The following MAST4 variants were observed in gnomAD, a reference collection of about 807,000 sequenced individuals.
MAST4 encodes microtubule associated serine/threonine kinase family member 4, also known as microtubule-associated serine/threonine-protein kinase 4.
A neutral mutation model predicts 162.7 loss-of-function variants in MAST4; 89 were observed. That is an observed-to-expected ratio of 0.55 (90% CI 0.46 to 0.65). The LOEUF (loss-of-function observed/expected upper bound fraction) is 0.65. MAST4 is among the 30% of genes least tolerant of loss of function. The pLI is 0.00. For missense variants in MAST4, 3,153 were observed against 3,374.0 expected (o/e 0.93, Z 1.62); for synonymous variants, 1,479 against 1,361.1 (o/e 1.09, Z -1.91).
Position 66,625,641 on chromosome 5 carries a change from A to G in MAST4, c.363+28623A>G, listed in dbSNP as rs1401780944. 2.0e-5 allele frequency among the ~76,000 whole-genome samples: 3 copies of G among 152,328 alleles called. No homozygotes were observed. In the East Asian group the frequency reaches 5.8e-4, roughly 29 times the overall value. On this transcript the variant is annotated intron_variant, in intron 1 of 28. Coordinates refer to ENST00000403625, the MANE Select transcript of MAST4 (RefSeq NM_001164664.2). ...AGAGTCAAAACCATAAAAAGAACAG[A>G]TAAATGTTGGCGAGGATATGGAGAA...
intron 4 of MAST4, among the ~76,000 whole-genome samples, chr5:66,934,847 G>T (rs763115278): frequency 6.6e-6 from 1 of 152,266 alleles, no homozygotes; most frequent in Non-Finnish European, 1.5e-5. Context: ...TGAGTAAAAA[G>T]GTCTCTGCCG....
chr5:66,951,000 A>G (rs933079307), intron 4 of MAST4, among the ~76,000 whole-genome samples: 4 of 152,126 alleles, frequency 2.6e-5, no homozygotes, highest in African/African-American at 9.7e-5. Flanking sequence ...ATTGCTGTGT[A>G]GTGTTTTGTC....
At chr5:66,601,882 A>T (rs1334930511) in intron 1 of MAST4, among the ~76,000 whole-genome samples, 1 of 152,160 alleles carries the variant, frequency 6.6e-6, no homozygotes, top group East Asian at 1.9e-4. Flanking sequence ...CTGTTGATAT[A>T]GCCTAATCGT....
chr5:66,963,619 C>CG, intron 4 of MAST4: 1 of 746,916 alleles, frequency 1.3e-6, no homozygotes, highest in Non-Finnish European at 2.5e-6. Context: ...TGATTCTGGC[C>CG]TAAAGGGAAC....
chr5:66,677,013 G>A (rs1468358592), intron 1 of MAST4, among the ~76,000 whole-genome samples: 1 of 152,118 alleles, frequency 6.6e-6, no homozygotes, highest in Non-Finnish European at 1.5e-5. Context: ...GGTGGCTTTA[G>A]GATTTTGTAG....
At chr5:66,788,605 C>CCCCCAACAAAAAAAAAAAAAAAA in intron 2 of MAST4, 65 bp from the exon 3 acceptor site, 2 of 1,344,526 alleles carry the variant, frequency 1.5e-6, no homozygotes, top group Non-Finnish European at 2.1e-6. Context: ...CACCCCCACC[C>CCCCCAACAAAAAAAAAAAAAAAA]CCATTGCAAT....
In MAST4 at chr5:67,028,021, T is replaced by C. The variant is rs570697244; in HGVS notation, c.675-26383T>C. On this transcript the variant is annotated intron_variant, in intron 4 of 28. Transcript: ENST00000403625. ...ACCTTCTTGAACGCTTGCAGCTTTA[T>C]GGGAAATGCTGTGGAGTTGGGTGTA... is the stretch of plus-strand genomic sequence containing the variant. Among the ~76,000 whole-genome samples, 104 of 152,302 alleles carry C rather than the reference T, an allele frequency of 6.8e-4. 3 individuals carry two copies. In the South Asian group the frequency reaches 0.021, roughly 31 times the overall value.
intron 1 of MAST4, among the ~76,000 whole-genome samples, chr5:66,619,092 A>G (rs751809858): frequency 6.6e-6 from 1 of 152,230 alleles, no homozygotes; most frequent in Non-Finnish European, 1.5e-5. Flanking sequence ...ACACTTGTCT[A>G]TCTAATACTT....
chr5:66,788,102 C>A (rs572207383), intron 2 of MAST4, among the ~76,000 whole-genome samples: 2 of 152,272 alleles, frequency 1.3e-5, no homozygotes, highest in Non-Finnish European at 2.9e-5. Flanking sequence ...ACATTGATGT[C>A]CTGATTTATG....
rs115209102 is a variant in MAST4, at chr5:66,764,542, G to T, written c.517+4680G>T. 4.2e-3 allele frequency among the ~76,000 whole-genome samples: 632 copies of T among 152,072 alleles called. 1 individual carries two copies. Among genetic ancestry groups the T allele is most frequent in the South Asian group, 0.013 (62 of 4,816 alleles). ...CATAAGATTATAATGGAACTGAAAA[G>T]CTCCTATTATATGGTAATGTCTAGA... On this transcript the variant is annotated intron_variant, in intron 2 of 28. Coordinates refer to ENST00000403625, the MANE Select transcript of MAST4 (RefSeq NM_001164664.2).
intron 4 of MAST4, among the ~76,000 whole-genome samples, chr5:67,028,912 T>G (rs950934211): frequency 6.6e-6 from 1 of 152,066 alleles, no homozygotes; most frequent in Non-Finnish European, 1.5e-5. Context: ...GTGAATCGCT[T>G]AAGCCAAGGA....
At chr5:66,874,590 T>A (rs1012400880) in intron 3 of MAST4, among the ~76,000 whole-genome samples, 1 of 152,224 alleles carries the variant, frequency 6.6e-6, no homozygotes, top group Non-Finnish European at 1.5e-5. Flanking sequence ...TGTAACAGTC[T>A]ACCCTTCTTT....
chr5:67,101,397 A>G (rs1485907689), intron 8 of MAST4, among the ~76,000 whole-genome samples: 1 of 152,200 alleles, frequency 6.6e-6, no homozygotes, highest in African/African-American at 2.4e-5. Flanking sequence ...ACTCAGCCTC[A>G]GGCGAGATGA....
At chr5:66,756,721 G>A (rs1006857545) in intron 1 of MAST4, among the ~76,000 whole-genome samples, 1 of 152,178 alleles carries the variant, frequency 6.6e-6, no homozygotes, top group Non-Finnish European at 1.5e-5. Context: ...TTGACTAATT[G>A]TAGAAAGAAT....
intron 1 of MAST4, among the ~76,000 whole-genome samples, chr5:66,689,334 A>T (rs1196497346): frequency 2.0e-5 from 3 of 152,112 alleles, no homozygotes; most frequent in African/African-American, 7.2e-5. Context: ...ACTGTCCCCT[A>T]ATCCGAGTTT....
intron 1 of MAST4, among the ~76,000 whole-genome samples, chr5:66,632,501 T>C (rs1323704383): frequency 6.6e-6 from 1 of 152,104 alleles, no homozygotes; most frequent in African/African-American, 2.4e-5. Context: ...GTTTATTTAG[T>C]AGGTGGAGGG....
intron 4 of MAST4, among the ~76,000 whole-genome samples, chr5:66,988,324 G>C (rs1176590528): frequency 6.6e-6 from 1 of 152,176 alleles, no homozygotes; most frequent in Non-Finnish European, 1.5e-5. Flanking sequence ...TAAGGATATT[G>C]GACCAGGGCT....
intron 3 of MAST4, among the ~76,000 whole-genome samples, chr5:66,852,243 G>C (rs570023588): frequency 6.6e-6 from 1 of 152,190 alleles, no homozygotes; most frequent in South Asian, 2.1e-4. Context: ...AACCTCCCAG[G>C]CTCAGGTGGT....
chr5:67,163,110 C>T lies in MAST4; in HGVS notation c.3968-37C>T. 1 of 1,566,386 alleles carries T rather than the reference C, an allele frequency of 6.4e-7. No individual in the cohort carries two copies. The highest frequency in any genetic ancestry group is 8.7e-7 in the Non-Finnish European group (1 of 1,150,362). On this transcript the variant is annotated intron_variant, in intron 28 of 28. Transcript: ENST00000403625. The surrounding 1 kb of genome is among the most constrained non-coding windows in gnomAD (Gnocchi z 7.0). ...AACTGTGAAAAAAAGGGGAAAATGA[C>T]CATGGATGCTCACAGCCTTCTGTTT... is the stretch of plus-strand genomic sequence containing the variant.
Sources: gnomAD v4.1 joint callset for allele counts (sites outside exome capture counted in the v4.1 genomes callset) on GRCh38, gnomAD v4.1.1 for gene constraint, Gnocchi (gnomAD v3.1) non-coding constraint, MANE v1.5 for transcripts, NCBI Gene and HGNC (gene_info 2026-07-23, HGNC 2026-07-21) for gene names.